The following SPATA7 variants were observed in gnomAD, a reference collection of about 807,000 sequenced individuals.
The protein encoded by SPATA7 is spermatogenesis-associated protein 7.
In SPATA7, 43 loss-of-function variants were observed where a neutral mutation model predicts 51.8. The observed-to-expected ratio is 0.83, with a 90% CI of 0.65 to 1.07. The LOEUF (loss-of-function observed/expected upper bound fraction) is 1.07. Ranked by LOEUF, SPATA7 falls within the 50% of genes least tolerant of loss-of-function variation. SPATA7 has a pLI of 0.00. For missense variants in SPATA7, 683 were observed against 701.3 expected (o/e 0.97, Z 0.30); for synonymous variants, 230 against 252.8 (o/e 0.91, Z 0.86).
chr14:88,443,373 A>C (rs1440903939), downstream of SPATA7, among the ~76,000 whole-genome samples: 1 of 152,058 alleles, frequency 6.6e-6, no homozygotes, highest in African/African-American at 2.4e-5. Context: ...CATCTCCTCT[A>C]GGTTTTCTAG....
intron 9 of SPATA7, among the ~76,000 whole-genome samples, chr14:88,432,156 G>A (rs541562399): frequency 2.0e-5 from 3 of 152,092 alleles, no homozygotes; most frequent in Non-Finnish European, 4.4e-5. Flanking sequence ...TCTTTCCAGA[G>A]GTTTCTAACC....
chr14:88,466,925 A>AATG (rs2077373349), intron 4 of SPATA7: 1 of 152,222 alleles, frequency 6.6e-6, no homozygotes, highest in East Asian at 1.9e-4. Flanking sequence ...GGCTTCTTTT[A>AATG]ATGATACTAT....
Position 88,386,835 on chromosome 14 carries a change from T to C in SPATA7, c.19+998T>C, listed in dbSNP as rs148000001. Among the ~76,000 whole-genome samples the C allele has an allele frequency of 6.6e-5, 10 of 152,292 alleles. No individual in the cohort carries two copies. In the East Asian group the frequency reaches 1.9e-3, roughly 29 times the overall value. ...TCTTTGAATGAGTCTGCCTTTATTA[T>C]ATAGTCATTGATCAAAATAAGTGCT... On this transcript the variant is annotated intron_variant, in intron 1 of 11. Transcript: ENST00000393545.
intron 4 of SPATA7, among the ~76,000 whole-genome samples, chr14:88,411,287 T>G (rs532457376): frequency 6.6e-6 from 1 of 152,186 alleles, no homozygotes; most frequent in African/African-American, 2.4e-5. Context: ...TTCACGCCAG[T>G]GGATCTTAGC....
intron 4 of SPATA7, among the ~76,000 whole-genome samples, chr14:88,409,642 A>T (rs992698384): frequency 3.3e-5 from 5 of 151,772 alleles, no homozygotes; most frequent in Admixed American, 3.3e-4. Context: ...CTTTTGAGTT[A>T]GTTTGCTCTC....
downstream of SPATA7, chr14:88,438,510 GT>G (rs2077154415): frequency 3.7e-6 from 4 of 1,073,000 alleles, no homozygotes; most frequent in South Asian, 5.4e-5. Context: ...TTCTCTATTG[GT>G]TTTCTGTGCT....
intron 3 of SPATA7, among the ~76,000 whole-genome samples, chr14:88,451,796 G>C (rs563463833): frequency 6.6e-6 from 1 of 152,094 alleles, no homozygotes; most frequent in East Asian, 1.9e-4. Flanking sequence ...AAGTGTTGGG[G>C]TTATAGGTGT....
intron 3 of SPATA7, among the ~76,000 whole-genome samples, chr14:88,395,917 T>A (rs1183381508): frequency 6.6e-6 from 1 of 152,180 alleles, no homozygotes; most frequent in African/African-American, 2.4e-5. Flanking sequence ...GTATGTTAAG[T>A]CTGTTTCATT....
rs1335363101 is a variant in SPATA7 at position 88,421,384 on chromosome 14, A to G, written c.372+4540A>G. On this transcript the variant is annotated intron_variant, in intron 5 of 11. Coordinates refer to ENST00000393545, the MANE Select transcript of SPATA7 (RefSeq NM_018418.5). ...CCCATGATGTGGTTTAAAAAAAACT[A>G]TGGACTGCTGGGCAAAAGCCAGATT... Among the ~76,000 whole-genome samples, 14 of 152,144 alleles carry G rather than the reference A, an allele frequency of 9.2e-5. No homozygotes were observed. The East Asian group carries it at 1.7e-3, about 19-fold the overall frequency.
At chr14:88,448,090 G>C (rs1186315039) in intron 3 of SPATA7, among the ~76,000 whole-genome samples, 1 of 152,094 alleles carries the variant, frequency 6.6e-6, no homozygotes. Flanking sequence ...TTTCCAACTT[G>C]GTTCCATTCT....
intron 5 of SPATA7, among the ~76,000 whole-genome samples, chr14:88,425,203 C>A: frequency 6.6e-6 from 1 of 152,054 alleles, no homozygotes; most frequent in Non-Finnish European, 1.5e-5. Flanking sequence ...GAGTACAGTA[C>A]CTTGCACATA....
intron 10 of SPATA7, among the ~76,000 whole-genome samples, chr14:88,435,715 T>C (rs2140023134): frequency 6.6e-6 from 1 of 152,246 alleles, no homozygotes; most frequent in South Asian, 2.1e-4. Flanking sequence ...TTTCACTTAA[T>C]ATAATGATCT....
At chr14:88,452,134 C>T (rs2077255254) in intron 3 of SPATA7, among the ~76,000 whole-genome samples, 1 of 152,136 alleles carries the variant, frequency 6.6e-6, no homozygotes, top group Admixed American at 6.6e-5. Context: ...GGTGCTCTCC[C>T]CTTTTCCCTA....
In SPATA7 at chr14:88,468,858, C is replaced by T. The variant is rs79627346; in HGVS notation, c.255-989C>T. 4,680 of 1,607,782 alleles carry T rather than the reference C, an allele frequency of 2.9e-3. 126 individuals are homozygous for T. The African/African-American group carries it at 0.053, about 18-fold the overall frequency. On this transcript the variant is annotated intron_variant, in intron 4 of 4. Coordinates refer to the SPATA7 transcript ENST00000556406. ...AAAGAGCTATTAAGTCACTATGTCC[C>T]TCTCTTCCCCAGCCTCATTTCCACC...
At chr14:88,466,358 C>T (rs1007919546) in intron 4 of SPATA7, 13 of 151,928 alleles carry the variant, frequency 8.6e-5, no homozygotes, top group African/African-American at 3.1e-4. Context: ...TCTGAGTTTT[C>T]CTCTTAGGTG....
chr14:88,422,842 G>C (rs917039287), intron 5 of SPATA7, among the ~76,000 whole-genome samples: 2 of 152,074 alleles, frequency 1.3e-5, no homozygotes, highest in East Asian at 3.9e-4. Context: ...TGTCTTAAGA[G>C]CCTTATTTTG....
At position 88,429,441 on chromosome 14, in the gene SPATA7, G is replaced by T. The variant is rs765393196; in HGVS notation, c.1006G>T (p.Ala336Ser). 2 of 1,611,098 alleles carry T rather than the reference G, an allele frequency of 1.2e-6. No individual in the cohort carries two copies. Among genetic ancestry groups the T allele is most frequent in the Non-Finnish European group, 1.7e-6 (2 of 1,177,562 alleles). ...AACATGGGATGAGATTAAGGATGATGCTCTTCAGCATTCCTCACCAAGGTA... is the reference window on the plus strand; with the variant it reads ...AACATGGGATGAGATTAAGGATGATTCTCTTCAGCATTCCTCACCAAGGTA... Reference protein sequence around the residue: ...DSTWDEIKDDALQHSSPRAMC... With the variant: ...DSTWDEIKDDSLQHSSPRAMC... The change falls in exon 8 of 12, where the codon GCT becomes TCT. Residue 336 changes from alanine (A) to serine (S), a missense_variant. Transcript: ENST00000393545.
chr14:88,451,540 T>C (rs978024683), intron 3 of SPATA7, among the ~76,000 whole-genome samples: 41 of 150,952 alleles, frequency 2.7e-4, no homozygotes, highest in Non-Finnish European at 4.1e-4. Context: ...TTTTTTTTTT[T>C]CTTTGAAAAG....
intron 5 of SPATA7, among the ~76,000 whole-genome samples, chr14:88,423,957 T>A (rs1311604791): frequency 6.6e-6 from 1 of 152,190 alleles, no homozygotes; most frequent in Non-Finnish European, 1.5e-5. Context: ...GAGTTCTGTA[T>A]TGTAAAATTC....
Sources: allele counts gnomAD v4.1 joint callset (sites outside exome capture counted in the v4.1 genomes callset), GRCh38; gene constraint gnomAD v4.1.1; transcripts MANE v1.5; gene names NCBI Gene and HGNC (gene_info 2026-07-23, HGNC 2026-07-21).